Variants in MKNK1 observed in about 807,000 individuals in gnomAD.
MKNK1 encodes the protein MAPK interacting serine/threonine kinase 1.
A neutral mutation model predicts 49.3 loss-of-function variants in MKNK1; 30 were observed. The observed-to-expected ratio is 0.61, with a 90% CI of 0.46 to 0.83. The LOEUF (loss-of-function observed/expected upper bound fraction) is 0.83, where lower values mean the gene tolerates loss of function less well. Ranked by LOEUF, MKNK1 falls within the 40% of genes least tolerant of loss-of-function variation. MKNK1 has a pLI of 0.00. For synonymous variants in MKNK1, 176 were observed against 201.7 expected (o/e 0.87, Z 1.08); for missense variants, 423 against 524.7 (o/e 0.81, Z 1.89).
At chr1:46,571,881 T>A (rs1275692450) in intron 7 of MKNK1, among the ~76,000 whole-genome samples, 182 bp downstream of exon 7, 3 of 152,132 alleles carry the variant, frequency 2.0e-5, no homozygotes, top group Non-Finnish European at 4.4e-5. Context: ...ATCCGCAGCA[T>A]AAGCCTAGGA....
intron 4 of MKNK1, among the ~76,000 whole-genome samples, chr1:46,577,494 A>G (rs1449573400): frequency 6.6e-6 from 1 of 152,138 alleles, no homozygotes; most frequent in Non-Finnish European, 1.5e-5. Context: ...ATAAATAAAT[A>G]AATAAATAAA....
At chr1:46,564,321 T>C (rs1247835487) in intron 9 of MKNK1, among the ~76,000 whole-genome samples, 2 of 151,680 alleles carry the variant, frequency 1.3e-5, no homozygotes, top group Non-Finnish European at 2.9e-5. Flanking sequence ...CATCCCCCAT[T>C]ACAAGGGGGC....
At chr1:46,592,678 A>C (rs1189690914) in intron 2 of MKNK1, among the ~76,000 whole-genome samples, 1 of 152,226 alleles carries the variant, frequency 6.6e-6, no homozygotes, top group East Asian at 1.9e-4. Flanking sequence ...TAACAGAGTG[A>C]GGGAATGAAG....
intron 2 of MKNK1, among the ~76,000 whole-genome samples, chr1:46,585,260 A>C: frequency 2.3e-5 from 1 of 42,708 alleles, no homozygotes; most frequent in African/African-American, 2.0e-4. Flanking sequence ...AAAAAAAAAA[A>C]AAAAAAAAAA....
chr1:46,599,650 A>G (rs1466817109), intron 1 of MKNK1, among the ~76,000 whole-genome samples: 1 of 152,206 alleles, frequency 6.6e-6, no homozygotes, highest in Non-Finnish European at 1.5e-5. Flanking sequence ...ACCGAGCGCC[A>G]GTCAGGGCAT....
intron 6 of MKNK1, 54 bp from the exon 7 acceptor site, chr1:46,572,221 A>C (rs1322895355): frequency 6.0e-6 from 9 of 1,488,774 alleles, no homozygotes; most frequent in Non-Finnish European, 8.4e-6. Flanking sequence ...AGTAAGTATA[A>C]GTTTTTTTTT....
At chr1:46,575,153 T>C (rs868456109) in intron 5 of MKNK1, 133 bp from the exon 6 acceptor site, 1 of 616,652 alleles carries the variant, frequency 1.6e-6, no homozygotes, top group Non-Finnish European at 2.8e-6. Context: ...GAAATCAGAA[T>C]GCTTATTAAA....
chr1:46,580,702 G>A lies in MKNK1; in HGVS notation c.101-75C>T. 2.9e-6 allele frequency: 3 copies of A among 1,037,886 alleles called. No homozygotes were observed. The South Asian group carries it at 3.9e-5, about 13-fold the overall frequency. The allele number at this position is 1,037,886 out of a possible 1,614,324, so 64.3% of individuals were successfully genotyped here. A position where few individuals can be genotyped will look rare whatever the true frequency, so the allele number is the denominator to read the frequency against. On this transcript the variant is annotated intron_variant, in intron 3 of 12. Coordinates refer to ENST00000371945, the MANE Select transcript of MKNK1 (RefSeq NM_001135553.4). ...AAGCTCAGATGGGAAGAACTTTTGT[G>A]GCTCAGCTTCCCTGATCAGACGACA...
At chr1:46,582,565 A>G (rs1671902452) in intron 3 of MKNK1, among the ~76,000 whole-genome samples, 1 of 152,204 alleles carries the variant, frequency 6.6e-6, no homozygotes, top group South Asian at 2.1e-4. Context: ...AAACAGATGA[A>G]GTGGGGCACG....
intron 8 of MKNK1, 84 bp from the exon 9 acceptor site, chr1:46,565,220 G>A: frequency 8.1e-7 from 1 of 1,241,976 alleles, no homozygotes; most frequent in Non-Finnish European, 1.2e-6. Context: ...CGGGTGCATG[G>A]CTCCGTGGCT....
intron 10 of MKNK1, among the ~76,000 whole-genome samples, chr1:46,562,167 G>A (rs540180704): frequency 3.3e-4 from 50 of 152,062 alleles, no homozygotes; most frequent in South Asian, 1.2e-3. Context: ...AGGCCGAGGC[G>A]GGAGGATCAC....
intron 7 of MKNK1, chr1:46,570,217 G>C (rs562170755): frequency 6.6e-6 from 1 of 152,068 alleles, no homozygotes; most frequent in South Asian, 2.1e-4. Context: ...GTGCATTCTT[G>C]TAAATAAATA....
rs149530518 is a variant in MKNK1 at position 46,592,789 on chromosome 1, T to C, written c.-3+1324A>G. On this transcript the variant is annotated intron_variant, in intron 2 of 12. Transcript: ENST00000371945. ...AGGAAGGGACAGTGTTTAATTCCTC[T>C]GTATCCCCACTGCCTAGCATGCAGC... 2.3e-3 allele frequency among the ~76,000 whole-genome samples: 349 copies of C among 152,318 alleles called. 12 individuals are homozygous for C. In the South Asian group the frequency reaches 0.034, roughly 15 times the overall value.
intron 2 of MKNK1, chr1:46,586,293 C>T (rs903231667): frequency 3.7e-6 from 1 of 272,940 alleles, no homozygotes; most frequent in Non-Finnish European, 7.3e-6. Flanking sequence ...ATAGTCCCAA[C>T]CCTTTTGCAG....
intron 8 of MKNK1, chr1:46,568,167 G>T: frequency 2.8e-6 from 1 of 353,822 alleles, no homozygotes; most frequent in East Asian, 5.2e-5. Flanking sequence ...CTGATATAAA[G>T]ATAGATGCAT....
intron 2 of MKNK1, chr1:46,593,855 GAAAA>G (rs61626573): frequency 6.7e-4 from 85 of 127,274 alleles, no homozygotes; most frequent in South Asian, 1.7e-3. Flanking sequence ...GACTCTATCT[GAAAA>G]AAAAAAAAAA....
chr1:46,561,729 G>T (rs1203392510), intron 10 of MKNK1, 87 bp from the exon 11 acceptor site: 8 of 1,465,498 alleles, frequency 5.5e-6, no homozygotes, highest in Non-Finnish European at 7.5e-6. Flanking sequence ...GGCTTCAATT[G>T]ATCTCAGCTG....
chr1:46,567,292 C>A (rs1669238030), intron 8 of MKNK1, among the ~76,000 whole-genome samples: 1 of 152,136 alleles, frequency 6.6e-6, no homozygotes, highest in South Asian at 2.1e-4. Context: ...TGTTATGAGA[C>A]AGAATCTCTG....
chr1:46,585,245 GTC>G (rs1557875900), intron 2 of MKNK1, among the ~76,000 whole-genome samples: 1 of 35,964 alleles, frequency 2.8e-5, no homozygotes, highest in Non-Finnish European at 5.3e-5. Context: ...GCAAGATTCC[GTC>G]TCAAAAAAAA....
Sources: gnomAD v4.1 joint callset for allele counts (sites outside exome capture counted in the v4.1 genomes callset) on GRCh38, gnomAD v4.1.1 for gene constraint, MANE v1.5 for transcripts, NCBI Gene and HGNC (gene_info 2026-07-23, HGNC 2026-07-21) for gene names.